The following VAC14 variants were observed in gnomAD, a reference collection of about 807,000 sequenced individuals.
The protein encoded by VAC14 is VAC14 component of PIKFYVE complex.
A neutral mutation model predicts 85.3 loss-of-function variants in VAC14; 47 were observed. The ratio of observed to expected loss-of-function variants is 0.55; its 90% CI spans 0.44 to 0.70. The LOEUF is 0.70. Ranked by LOEUF, VAC14 falls within the 30% of genes least tolerant of loss-of-function variation. VAC14 has a pLI of 0.00. For synonymous variants in VAC14, 447 were observed against 430.5 expected (o/e 1.04, Z -0.47); for missense variants, 861 against 1,004.3 (o/e 0.86, Z 1.93).
intron 5 of VAC14, among the ~76,000 whole-genome samples, chr16:70,783,795 T>C (rs1567603642): frequency 6.6e-6 from 1 of 151,902 alleles, no homozygotes; most frequent in Non-Finnish European, 1.5e-5. Flanking sequence ...AGGGGATGGA[T>C]GGGGAAGGAC....
chr16:70,712,847 C>T (rs1229791960), intron 14 of VAC14, among the ~76,000 whole-genome samples: 1 of 152,190 alleles, frequency 6.6e-6, no homozygotes, highest in African/African-American at 2.4e-5. Flanking sequence ...GTGTGCTTCT[C>T]TTGGACTCCT....
rs756905317 is a variant in VAC14, at chr16:70,692,974, G to A, written c.2036-3C>T. ...GTCCAGCAGCTGCAGGCGCAGATCT[G>A]GGGTAGGCAGAGGGCAGGGGTCAGG... On this transcript the variant is annotated splice_polypyrimidine_tract_variant and splice_region_variant and intron_variant, in intron 17 of 18. Transcript: ENST00000261776. 2 of 1,609,700 alleles carry A rather than the reference G, an allele frequency of 1.2e-6. No individual in the cohort carries two copies. The highest frequency in any genetic ancestry group is 1.7e-6 in the Non-Finnish European group (2 of 1,178,780).
At chr16:70,701,690 C>T (rs2053831085) in intron 14 of VAC14, among the ~76,000 whole-genome samples, 1 of 152,238 alleles carries the variant, frequency 6.6e-6, no homozygotes, top group Admixed American at 6.5e-5. Flanking sequence ...ACATGCCCCT[C>T]CCTGCTGGGA....
At chr16:70,766,406 C>T (rs1409314823) in intron 10 of VAC14, 1 of 446,860 alleles carries the variant, frequency 2.2e-6, no homozygotes, top group African/African-American at 2.0e-5. Context: ...GAACTGGCAG[C>T]ATTTCGTGTA....
chr16:70,761,861 C>T (rs994486930), intron 12 of VAC14, among the ~76,000 whole-genome samples: 2 of 152,216 alleles, frequency 1.3e-5, no homozygotes, highest in African/African-American at 4.8e-5. Flanking sequence ...GCAGCAGGGG[C>T]CCGGCCCAGT....
intron 1 of VAC14, among the ~76,000 whole-genome samples, chr16:70,793,536 C>T (rs917151101): frequency 2.0e-5 from 3 of 152,176 alleles, no homozygotes; most frequent in African/African-American, 4.8e-5. Flanking sequence ...AGCCCCTCCC[C>T]AAATAGCACA....
At position 70,687,691 on chromosome 16, in the gene VAC14, T is replaced by C; in HGVS notation, c.*237A>G. The C allele has an allele frequency of 5.0e-6, 2 of 399,736 alleles. No individual in the cohort carries two copies. Among genetic ancestry groups the C allele is most frequent in the Non-Finnish European group, 8.7e-6 (2 of 229,720 alleles). The allele number at this position is 399,736 out of a possible 1,614,324, so 24.8% of individuals were successfully genotyped here. A position where few individuals can be genotyped will look rare whatever the true frequency, so the allele number is the denominator to read the frequency against. On this transcript the variant is annotated 3_prime_UTR_variant, in exon 19 of 19. Transcript: ENST00000261776. ...GGTCTCTGAGGCTATAGCCCCCCAC[T>C]GGGTGGGCAGCCAGCTCTGTGAGAA...
At chr16:70,786,020 C>T (rs1369359048) in intron 2 of VAC14, 151 bp from the exon 3 acceptor site, 3 of 1,325,676 alleles carry the variant, frequency 2.3e-6, no homozygotes, top group Non-Finnish European at 3.0e-6. Flanking sequence ...GCCTCATTCC[C>T]AGGAGAGGGC....
chr16:70,778,269 G>A (rs946564424), intron 9 of VAC14, among the ~76,000 whole-genome samples: 1 of 152,166 alleles, frequency 6.6e-6, no homozygotes, highest in African/African-American at 2.4e-5. Context: ...TTCTACCACT[G>A]AACCACCAAT....
intron 13 of VAC14, among the ~76,000 whole-genome samples, chr16:70,740,795 G>A (rs1233170860): frequency 2.0e-5 from 3 of 152,346 alleles, no homozygotes; most frequent in East Asian, 1.9e-4. Flanking sequence ...GAGGAATGAG[G>A]GAGGCAGGGT....
chr16:70,731,598 T>C lies in VAC14; in HGVS notation c.1558A>G (p.Thr520Ala), dbSNP rs1433755373. 2 of 1,613,838 alleles carry C rather than the reference T, an allele frequency of 1.2e-6. No individual in the cohort carries two copies. Among genetic ancestry groups the C allele is most frequent in the Non-Finnish European group, 8.5e-7 (1 of 1,179,970 alleles). Residue 520 changes from threonine (T) to alanine (A), a missense_variant, in exon 14 of 19, where the codon ACT (threonine) becomes GCT (alanine). Thr to Ala is a moderately conservative substitution (Grantham distance 58). Coordinates refer to ENST00000261776, the MANE Select transcript of VAC14 (RefSeq NM_018052.5). ...GTKGLECSPS[T>A]PTMNSYFYKF... ...TAAAAGTAAGAATTCATGGTGGGAG[T>C]TGAAGGAGAACATTCTAAGCCTTTG...
At chr16:70,778,729 C>G (rs2033651349) in intron 9 of VAC14, 1 of 152,172 alleles carries the variant, frequency 6.6e-6, no homozygotes, top group African/African-American at 2.4e-5. Flanking sequence ...GTTCTATGAT[C>G]TTAACTACGT....
chr16:70,791,788 G>C (rs907169831), intron 1 of VAC14, among the ~76,000 whole-genome samples: 1 of 152,210 alleles, frequency 6.6e-6, no homozygotes, highest in African/African-American at 2.4e-5. Flanking sequence ...CAGTAGGTGG[G>C]GAAACACTTG....
intron 12 of VAC14, among the ~76,000 whole-genome samples, chr16:70,752,079 A>G (rs566600978): frequency 9.2e-5 from 14 of 152,002 alleles, no homozygotes; most frequent in African/African-American, 2.9e-4. Context: ...AAAGCAACCT[A>G]AAAAAAAATC....
At chr16:70,704,958 C>G (rs994861199) in intron 14 of VAC14, among the ~76,000 whole-genome samples, 4 of 152,228 alleles carry the variant, frequency 2.6e-5, no homozygotes, top group African/African-American at 9.6e-5. Flanking sequence ...CCTGCACCCT[C>G]TGAAAACAGG....
At chr16:70,723,372 G>A (rs371957217) in intron 14 of VAC14, among the ~76,000 whole-genome samples, 3 of 152,110 alleles carry the variant, frequency 2.0e-5, no homozygotes, top group South Asian at 4.2e-4. Context: ...GAGGTGAGCC[G>A]TGATTGTGCC....
At chr16:70,691,706 C>T in intron 18 of VAC14, 1 of 985,434 alleles carries the variant, frequency 1.0e-6, no homozygotes, top group South Asian at 4.7e-5. Flanking sequence ...TTGGTTGGGG[C>T]CACACTTTCT....
At chr16:70,743,330 G>A (rs535283065) in intron 13 of VAC14, among the ~76,000 whole-genome samples, 38 of 152,360 alleles carry the variant, frequency 2.5e-4, no homozygotes, top group African/African-American at 8.7e-4. Context: ...TCAGCAGGAC[G>A]TGAGCGGGAC....
intron 1 of VAC14, among the ~76,000 whole-genome samples, chr16:70,788,480 G>C (rs1470182324): frequency 2.0e-5 from 3 of 152,194 alleles, no homozygotes; most frequent in Admixed American, 1.3e-4. Context: ...GATGAACCCA[G>C]GGCCTCTGGA....
Sources: gnomAD v4.1 joint callset for allele counts (sites outside exome capture counted in the v4.1 genomes callset) on GRCh38, gnomAD v4.1.1 for gene constraint, MANE v1.5 for transcripts, NCBI Gene and HGNC (gene_info 2026-07-23, HGNC 2026-07-21) for gene names.